The following TASP1 variants were observed in gnomAD, a reference collection of about 807,000 sequenced individuals.
TASP1 encodes the protein threonine aspartase 1.
Under a neutral mutation model 56.6 loss-of-function variants are expected in TASP1, and 16 were observed. The ratio of observed to expected loss-of-function variants is 0.28; its 90% CI spans 0.19 to 0.43. The LOEUF is 0.43. Ranked by LOEUF, TASP1 falls within the 20% of genes least tolerant of loss-of-function variation. The probability of loss-of-function intolerance (pLI) is 1.00; values close to 1 mark genes in which losing one functional copy is unlikely to be tolerated. For missense variants in TASP1, 393 were observed against 511.6 expected, an observed-to-expected ratio of 0.77 and a Z score of 2.24; for synonymous variants, 179 against 184.2, an observed-to-expected ratio of 0.97 and a Z score of 0.23.
intron 8 of TASP1, among the ~76,000 whole-genome samples, chr20:13,552,304 G>T (rs977503850): frequency 7.2e-5 from 11 of 152,312 alleles, no homozygotes; most frequent in African/African-American, 2.6e-4. Flanking sequence ...TGTCAGTGAT[G>T]TGTCACTGTG....
At chr20:13,323,467 CTTTCCCAATG>C in the TASP1 span, among the ~76,000 whole-genome samples, 1 of 152,296 alleles carries the variant, frequency 6.6e-6, no homozygotes, top group East Asian at 1.9e-4. Flanking sequence ...AGCCCTATTC[CTTTCCCAATG>C]TAACTTATAT....
chr20:13,469,904 G>A (rs1458001503), intron 11 of TASP1, among the ~76,000 whole-genome samples: 3 of 136,766 alleles, frequency 2.2e-5, no homozygotes, highest in Non-Finnish European at 3.1e-5. Flanking sequence ...TGCTTCCTGG[G>A]TTCAAGCTGT....
At chr20:13,138,219 T>C in the TASP1 span, among the ~76,000 whole-genome samples, 1 of 152,304 alleles carries the variant, frequency 6.6e-6, no homozygotes, top group South Asian at 2.1e-4. Context: ...AGAGACACTG[T>C]CCCCAAACTG....
intron 4 of TASP1, among the ~76,000 whole-genome samples, chr20:13,620,315 T>C (rs1192770323): frequency 2.0e-5 from 3 of 149,352 alleles, no homozygotes; most frequent in Non-Finnish European, 2.9e-5. Context: ...TATACACATA[T>C]TTCTTTTGCC....
In TASP1 at chr20:13,516,658, GTTTTT is replaced by G. The variant is rs34296221; in HGVS notation, c.874+11770_874+11774del. Among the ~76,000 whole-genome samples the G allele has an allele frequency of 5.6e-4, 70 of 124,838 alleles. 1 individual carries two copies. In the East Asian group the frequency reaches 0.015, roughly 27 times the overall value. 81.9% of individuals were successfully genotyped at this position (124,838 alleles called of 152,430 possible). On this transcript the variant is annotated intron_variant, in intron 10 of 13. Transcript: ENST00000337743. ...ACTCATCACTTGATCTTACGCCTTT[GTTTTT>G]TTTTTTTTTTTTTTTTAACATTTCT...
the TASP1 span, among the ~76,000 whole-genome samples, chr20:13,253,529 C>T: frequency 6.6e-6 from 1 of 152,204 alleles, no homozygotes; most frequent in Non-Finnish European, 1.5e-5. Flanking sequence ...AGCCACTGTT[C>T]CTCACCTTCT....
the TASP1 span, among the ~76,000 whole-genome samples, chr20:13,290,301 GAGA>G: frequency 2.0e-5 from 3 of 152,124 alleles, no homozygotes; most frequent in East Asian, 1.9e-4. Flanking sequence ...AAATGAAAAA[GAGA>G]AGAATATGAA....
chr20:13,160,788 C>T, the TASP1 span, among the ~76,000 whole-genome samples: 1 of 152,158 alleles, frequency 6.6e-6, no homozygotes, highest in Non-Finnish European at 1.5e-5. Flanking sequence ...AAACAAGCAA[C>T]ACATATAATA....
chr20:13,230,003 T>C, the TASP1 span, among the ~76,000 whole-genome samples: 4 of 152,240 alleles, frequency 2.6e-5, no homozygotes, highest in African/African-American at 9.6e-5. Flanking sequence ...TTTATTTTCC[T>C]TTATATAAAC....
the TASP1 span, among the ~76,000 whole-genome samples, chr20:13,242,933 T>C: frequency 6.6e-6 from 1 of 152,250 alleles, no homozygotes; most frequent in Non-Finnish European, 1.5e-5. Context: ...ATTTGATTAA[T>C]ATTGACTTAT....
intron 5 of TASP1, among the ~76,000 whole-genome samples, chr20:13,584,928 A>T (rs1435043216): frequency 6.6e-6 from 1 of 152,242 alleles, no homozygotes; most frequent in Non-Finnish European, 1.5e-5. Flanking sequence ...AACCCCGTTA[A>T]TTTGAAATAA....
the TASP1 span, among the ~76,000 whole-genome samples, chr20:13,286,587 G>A: frequency 1.3e-5 from 2 of 152,150 alleles, no homozygotes; most frequent in African/African-American, 2.4e-5. Flanking sequence ...GGGGCCTCGG[G>A]GGGCAGATAA....
the TASP1 span, among the ~76,000 whole-genome samples, chr20:13,308,410 C>T: frequency 2.8e-4 from 42 of 151,874 alleles, no homozygotes; most frequent in East Asian, 7.4e-3. Context: ...CTTGGCAAGG[C>T]GATGAGGAAA....
the TASP1 span, among the ~76,000 whole-genome samples, chr20:13,181,554 G>A: frequency 6.6e-6 from 1 of 152,160 alleles, no homozygotes; most frequent in Admixed American, 6.5e-5. Flanking sequence ...CCTTCTCTAA[G>A]GAACCAAATA....
chr20:13,582,395 T>C (rs1209077902), intron 5 of TASP1, among the ~76,000 whole-genome samples: 2 of 151,872 alleles, frequency 1.3e-5, no homozygotes, highest in Non-Finnish European at 2.9e-5. Flanking sequence ...TTACAACTTA[T>C]ACATTTATAA....
At chr20:13,319,722 A>C in the TASP1 span, among the ~76,000 whole-genome samples, 2 of 152,176 alleles carry the variant, frequency 1.3e-5, no homozygotes, top group South Asian at 4.1e-4. Flanking sequence ...ATCTATTTGA[A>C]GATTAACCCC....
chr20:13,625,602 G>A (rs765420774), intron 2 of TASP1, among the ~76,000 whole-genome samples: 11 of 152,150 alleles, frequency 7.2e-5, no homozygotes, highest in Non-Finnish European at 1.3e-4. Context: ...GGGTCCCTCC[G>A]GGTTCCTCTC....
At chr20:13,318,580 C>T in the TASP1 span, among the ~76,000 whole-genome samples, 1 of 152,212 alleles carries the variant, frequency 6.6e-6, no homozygotes, top group Non-Finnish European at 1.5e-5. Context: ...AACTTGGAAT[C>T]AGCCAAGATG....
intron 12 of TASP1, among the ~76,000 whole-genome samples, chr20:13,422,142 G>A (rs542712234): frequency 4.6e-5 from 7 of 151,800 alleles, no homozygotes; most frequent in East Asian, 3.9e-4. Context: ...TAGTAGAGAC[G>A]GGGTTTCACT....
Sources: gnomAD v4.1 joint callset for allele counts (sites outside exome capture counted in the v4.1 genomes callset) on GRCh38, gnomAD v4.1.1 for gene constraint, MANE v1.5 for transcripts, NCBI Gene and HGNC (gene_info 2026-07-23, HGNC 2026-07-21) for gene names.